Variants in SLC12A1 observed in about 807,000 individuals in gnomAD.
SLC12A1 encodes solute carrier family 12 member 1.
Under a neutral mutation model 130.4 loss-of-function variants are expected in SLC12A1, and 89 were observed. That is an observed-to-expected ratio of 0.68 (90% CI 0.58 to 0.81). The LOEUF (loss-of-function observed/expected upper bound fraction) is 0.81. Among genes scored for constraint, SLC12A1 ranks in the 40% least tolerant of loss-of-function variants. The pLI, the probability that SLC12A1 is intolerant of heterozygous loss-of-function variation, is 0.00. For synonymous variants in SLC12A1, 499 were observed against 460.0 expected (o/e 1.08, Z -1.09); for missense variants, 1,310 against 1,336.4 (o/e 0.98, Z 0.31).
intron 18 of SLC12A1, among the ~76,000 whole-genome samples, 183 bp downstream of exon 18, chr15:48,267,884 A>G (rs1013009840): frequency 1.3e-5 from 2 of 152,190 alleles, no homozygotes; most frequent in African/African-American, 4.8e-5. Flanking sequence ...GAGAAGTTCT[A>G]TTACAATGAA....
intron 16 of SLC12A1, among the ~76,000 whole-genome samples, chr15:48,258,811 C>A (rs1597435248): frequency 6.6e-6 from 1 of 152,130 alleles, no homozygotes; most frequent in Non-Finnish European, 1.5e-5. Flanking sequence ...GGAGGCCTCA[C>A]AATCATGGTG....
rs192810529 is a variant in SLC12A1 at position 48,227,994 on chromosome 15, T to G, written c.725-1195T>G. ...TATGCTACATTTTTAGACAGGACTT[T>G]GACCCCTGAGCCCAAAAGAGTTACT... On this transcript the variant is annotated intron_variant, in intron 5 of 26. Transcript: ENST00000380993. 6 of 152,324 alleles carry G rather than the reference T, an allele frequency of 3.9e-5. No individual in the cohort carries two copies. The East Asian group carries it at 1.2e-3, about 29-fold the overall frequency. 9.4% of individuals were successfully genotyped at this position (152,324 alleles called of 1,614,324 possible). A position where few individuals can be genotyped will look rare whatever the true frequency, so the allele number is the denominator to read the frequency against.
intron 20 of SLC12A1, 92 bp downstream of exon 20, chr15:48,274,745 A>C (rs375940768): frequency 1.3e-6 from 1 of 773,362 alleles, no homozygotes; most frequent in African/African-American, 1.7e-5. Context: ...CACAATATAG[A>C]CAAAACTCCT....
intron 10 of SLC12A1, 33 bp downstream of exon 10, chr15:48,241,632 G>C (rs776625878): frequency 2.5e-5 from 37 of 1,457,690 alleles, no homozygotes; most frequent in Admixed American, 6.7e-5. Context: ...CAGAATGTCA[G>C]AATTACGAGG....
intron 20 of SLC12A1, among the ~76,000 whole-genome samples, chr15:48,277,130 G>A (rs2041961712): frequency 6.6e-6 from 1 of 152,072 alleles, no homozygotes; most frequent in Admixed American, 6.5e-5. Flanking sequence ...CAGGCTTACT[G>A]TGGGGAAACT....
Position 48,208,156 on chromosome 15 carries a change from C to G in SLC12A1, c.420+17C>G. 1.3e-6 allele frequency: 2 copies of G among 1,551,642 alleles called. No homozygotes were observed. ...CTCGCAAAGGTAAGCTTGAAGGACA[C>G]AAGCAAGTCTCCTCCCTTATTCATA... On this transcript the variant is annotated intron_variant, in intron 2 of 26. Coordinates refer to ENST00000380993, the MANE Select transcript of SLC12A1 (RefSeq NM_000338.3).
At chr15:48,242,405 G>C (rs1211787548) in intron 10 of SLC12A1, among the ~76,000 whole-genome samples, 1 of 152,074 alleles carries the variant, frequency 6.6e-6, no homozygotes, top group Non-Finnish European at 1.5e-5. Context: ...AATTGAGAAG[G>C]TACATGTACC....
At chr15:48,229,473 A>G (rs776151881) in intron 6 of SLC12A1, 145 bp downstream of exon 6, 4 of 801,646 alleles carry the variant, frequency 5.0e-6, no homozygotes, top group Non-Finnish European at 7.6e-6. Context: ...GCATCAGAAG[A>G]TCTGGCTTTG....
At chr15:48,302,673 A>G (rs2042249073) in intron 26 of SLC12A1, 77 bp from the exon 27 acceptor site, 3 of 803,862 alleles carry the variant, frequency 3.7e-6, no homozygotes, top group Non-Finnish European at 5.7e-6. Flanking sequence ...GTTATTAAAT[A>G]GCTCAGAAAT....
chr15:48,259,133 C>T lies in SLC12A1; in HGVS notation c.2043-67C>T, dbSNP rs34081916. 5.9e-3 allele frequency: 6,060 copies of T among 1,030,000 alleles called. 66 individuals carry two copies. The highest frequency in any genetic ancestry group is 0.027 in the Middle Eastern group (107 of 3,906). 63.8% of individuals were successfully genotyped at this position (1,030,000 alleles called of 1,614,324 possible). The stretch of plus-strand genomic sequence containing the variant: ...CCAAGCCTCTGTACCTGTCATCCCA[C>T]TGGAATGGTTCTAAGGTTACAGGCT... On this transcript the variant is annotated intron_variant, in intron 16 of 26. Transcript: ENST00000380993.
At chr15:48,227,113 A>G in intron 5 of SLC12A1, 3 of 1,552,210 alleles carry the variant, frequency 1.9e-6, no homozygotes, top group African/African-American at 2.7e-5. Flanking sequence ...TAAGTGTGGT[A>G]GTAACGACAC....
At chr15:48,217,268 A>T (rs1163551025) in intron 2 of SLC12A1, among the ~76,000 whole-genome samples, 1 of 152,196 alleles carries the variant, frequency 6.6e-6, no homozygotes, top group African/African-American at 2.4e-5. Context: ...TTTAAAATGT[A>T]AGGGTCCATC....
intron 7 of SLC12A1, among the ~76,000 whole-genome samples, chr15:48,230,766 A>G (rs754754292): frequency 2.0e-5 from 3 of 152,344 alleles, no homozygotes; most frequent in Admixed American, 6.5e-5. Context: ...CAGACCCCTT[A>G]TGATCATAGC....
intron 9 of SLC12A1, chr15:48,237,373 TGG>T (rs2041452084): frequency 6.3e-6 from 1 of 158,988 alleles, no homozygotes; most frequent in African/African-American, 2.4e-5. Context: ...CTAAGTACTC[TGG>T]GAGTAAGCAA....
chr15:48,220,519 G>C, intron 2 of SLC12A1, 115 bp from the exon 3 acceptor site: 7 of 1,003,406 alleles, frequency 7.0e-6, no homozygotes, highest in Non-Finnish European at 9.9e-6. Flanking sequence ...ATTTAGTTTG[G>C]GGGTTTTTTG....
intron 23 of SLC12A1, 27 bp from the exon 24 acceptor site, chr15:48,291,751 T>C (rs753460876): frequency 5.3e-6 from 7 of 1,311,534 alleles, no homozygotes; most frequent in African/African-American, 1.5e-5. Context: ...TATGCAATGA[T>C]GAAGTATTTT....
intron 9 of SLC12A1, among the ~76,000 whole-genome samples, chr15:48,239,431 T>C (rs1382152474): frequency 2.0e-5 from 3 of 151,830 alleles, no homozygotes; most frequent in Non-Finnish European, 4.4e-5. Context: ...GGAGGATCAC[T>C]TGAGCATGGG....
chr15:48,242,663 G>A lies in SLC12A1; in HGVS notation c.1300+1064G>A, dbSNP rs182775642. Among the ~76,000 whole-genome samples, 167 of 152,196 alleles carry A rather than the reference G, an allele frequency of 1.1e-3. 1 individual carries two copies. The Middle Eastern group carries it at 0.034, about 31-fold the overall frequency. ...ACAAAAAATAAAAAATTAGCCGGGCGTGGCGGCACACACCTATGATCCCAG... is the reference window on the plus strand; with the variant it reads ...ACAAAAAATAAAAAATTAGCCGGGCATGGCGGCACACACCTATGATCCCAG... On this transcript the variant is annotated intron_variant, in intron 10 of 26. Coordinates refer to ENST00000380993, the MANE Select transcript of SLC12A1 (RefSeq NM_000338.3).
intron 9 of SLC12A1, chr15:48,236,959 G>A (rs1038814764): frequency 5.8e-6 from 4 of 693,080 alleles, no homozygotes; most frequent in Admixed American, 4.3e-5. Flanking sequence ...CGCTTAGCTG[G>A]CCCTCACTGA....
Sources: gnomAD v4.1 joint callset for allele counts (sites outside exome capture counted in the v4.1 genomes callset) on GRCh38, gnomAD v4.1.1 for gene constraint, MANE v1.5 for transcripts, NCBI Gene and HGNC (gene_info 2026-07-23, HGNC 2026-07-21) for gene names.